SERPINC1: variants seen among roughly 807,000 people sequenced by gnomAD.
The protein encoded by SERPINC1 is antithrombin-III.
In SERPINC1, 12 loss-of-function variants were observed where a neutral mutation model predicts 43.4. That is an observed-to-expected ratio of 0.28 (90% CI 0.18 to 0.45). The LOEUF is 0.45. SERPINC1 is among the 20% of genes least tolerant of loss of function. SERPINC1 has a pLI of 1.00. For missense variants in SERPINC1, 423 were observed against 578.8 expected (o/e 0.73, Z 2.76); for synonymous variants, 210 against 218.9 (o/e 0.96, Z 0.36).
At chr1:173,906,722 A>G (rs1261383532) in intron 6 of SERPINC1, among the ~76,000 whole-genome samples, 1 of 151,086 alleles carries the variant, frequency 6.6e-6, no homozygotes, top group East Asian at 1.9e-4. Flanking sequence ...GGCTCAAGTG[A>G]TTCTTCCATC....
chr1:173,908,895 G>A (rs1353070563), intron 5 of SERPINC1, among the ~76,000 whole-genome samples: 18 of 152,030 alleles, frequency 1.2e-4, no homozygotes, highest in East Asian at 7.8e-4. Context: ...TGCCAGGTGC[G>A]GTGGCTGACG....
intron 2 of SERPINC1, among the ~76,000 whole-genome samples, chr1:173,912,344 C>A (rs558551838): frequency 6.6e-6 from 1 of 152,158 alleles, no homozygotes; most frequent in African/African-American, 2.4e-5. Context: ...AGAATCAGGA[C>A]GGTGTCCTTC....
In SERPINC1 at chr1:173,915,315, G is replaced by A. The variant is rs1313441078; in HGVS notation, c.42-396C>T. ...CCATCTACAGAAACTGTTTGGGGAAGGACTCTGATAGATGCAGCAGAGAGA... is the reference window on the plus strand; with the variant it reads ...CCATCTACAGAAACTGTTTGGGGAAAGACTCTGATAGATGCAGCAGAGAGA... On this transcript the variant is annotated intron_variant, in intron 1 of 6. Transcript: ENST00000367698. The A allele has an allele frequency of 6.4e-5, 23 of 358,824 alleles. No individual in the cohort carries two copies. In the South Asian group the frequency reaches 8.2e-4, roughly 13 times the overall value. The allele number at this position is 358,824 out of a possible 1,614,324, so 22.2% of individuals were successfully genotyped here. A position where few individuals can be genotyped will look rare whatever the true frequency, so the allele number is the denominator to read the frequency against.
At chr1:173,908,692 C>T (rs1011347218) in intron 5 of SERPINC1, among the ~76,000 whole-genome samples, 1 of 152,030 alleles carries the variant, frequency 6.6e-6, no homozygotes, top group African/African-American at 2.4e-5. Context: ...TCCCAAGAAG[C>T]TAGGACTACA....
Position 173,907,509 on chromosome 1 carries a change from C to T in SERPINC1, c.1159G>A (p.Val387Ile), listed in dbSNP as rs560610974. ...TAGAGGTCATCTCGGCCTTCTGCAA[C>T]AATACCTGGAAGGAAGACCGGAGAA... ...SPEKSKLPGI[V>I]AEGRDDLYVS... The change falls in exon 6 of 7, where the codon GTT (valine) becomes ATT (isoleucine). Residue 387 changes from valine to isoleucine, a missense_variant. Coordinates refer to ENST00000367698, the MANE Select transcript of SERPINC1 (RefSeq NM_000488.4). 3 of 1,613,766 alleles carry T rather than the reference C, an allele frequency of 1.9e-6. No homozygotes were observed. Among genetic ancestry groups the T allele is most frequent in the East Asian group, 4.5e-5 (2 of 44,880 alleles).
intron 4 of SERPINC1, among the ~76,000 whole-genome samples, chr1:173,910,491 G>T (rs1414954259): frequency 6.6e-6 from 1 of 152,136 alleles, no homozygotes. Flanking sequence ...TGAGGCAGGA[G>T]AATGCCGTGA....
intron 3 of SERPINC1, 85 bp from the exon 4 acceptor site, chr1:173,910,976 C>T (rs957529384): frequency 2.0e-6 from 3 of 1,470,072 alleles, no homozygotes; most frequent in South Asian, 1.1e-5. Context: ...ATTTTTCTCA[C>T]CATCCCTCTG....
chr1:173,911,823 G>C lies in SERPINC1; in HGVS notation c.600C>G (p.Ala200=). 1 of 1,613,860 alleles carries C rather than the reference G, an allele frequency of 6.2e-7. No individual in the cohort carries two copies. The highest frequency in any genetic ancestry group is 8.5e-7 in the Non-Finnish European group (1 of 1,179,722). Residue 200 remains alanine, a synonymous_variant, in exon 3 of 7, where the codon GCC becomes GCG. Coordinates refer to ENST00000367698, the MANE Select transcript of SERPINC1 (RefSeq NM_000488.4). ...CCTTGAAGTCCAGGGGCTGGAGCTT[G>C]GCTCCATATACCAACTCACTGATGT... The part of the protein sequence containing the change: ...YQDISELVYG[A]KLQPLDFKEN...
intron 6 of SERPINC1, 59 bp downstream of exon 6, chr1:173,907,391 T>A: frequency 7.4e-7 from 1 of 1,343,880 alleles, no homozygotes; most frequent in Non-Finnish European, 1.1e-6. Flanking sequence ...TTTCCACGTG[T>A]TCCTGCTGTT....
At chr1:173,913,872 AG>A (rs1482490595) in intron 2 of SERPINC1, among the ~76,000 whole-genome samples, 1 of 147,854 alleles carries the variant, frequency 6.8e-6, no homozygotes. Flanking sequence ...AAAAAAAAAA[AG>A]TTTGAGACCA....
rs536880391 is a variant in SERPINC1 at position 173,915,886 on chromosome 1, C to T, written c.42-967G>A. Among the ~76,000 whole-genome samples, 25 of 152,316 alleles carry T rather than the reference C, an allele frequency of 1.6e-4. No individual in the cohort carries two copies. The South Asian group carries it at 5.2e-3, about 32-fold the overall frequency. ...TTAATTCTCCCCCACAGGCCTGCTC[C>T]TGTGAGTGGGCTCAGTGAATCCCGT... is the stretch of plus-strand genomic sequence containing the variant. On this transcript the variant is annotated intron_variant, in intron 1 of 6. Coordinates refer to ENST00000367698, the MANE Select transcript of SERPINC1 (RefSeq NM_000488.4).
chr1:173,910,071 A>G (rs1657704172), intron 4 of SERPINC1, 129 bp from the exon 5 acceptor site: 2 of 908,522 alleles, frequency 2.2e-6, no homozygotes, highest in East Asian at 2.6e-5. Flanking sequence ...GGATATGCAC[A>G]AAAAGGTTAA....
At chr1:173,916,556 T>G (rs984283067) in intron 1 of SERPINC1, among the ~76,000 whole-genome samples, 14 of 152,012 alleles carry the variant, frequency 9.2e-5, no homozygotes, top group Non-Finnish European at 1.9e-4. Flanking sequence ...TCTTCCCATC[T>G]CCACTGCCTT....
intron 6 of SERPINC1, among the ~76,000 whole-genome samples, chr1:173,906,046 T>C (rs964850552): frequency 4.6e-5 from 7 of 152,232 alleles, no homozygotes; most frequent in African/African-American, 1.7e-4. Context: ...TTCATTCTTT[T>C]CGATTTCTTT....
Position 173,910,822 on chromosome 1 carries a change from C to G in SERPINC1, c.694G>C (p.Asp232His), listed in dbSNP as rs773814831. The change falls in exon 4 of 7, where the codon GAT (aspartate) becomes CAT (histidine). Residue 232 changes from aspartate to histidine, a missense_variant. Coordinates refer to ENST00000367698, the MANE Select transcript of SERPINC1 (RefSeq NM_000488.4). ...TTGATGGCTTCCGAGGGAATGACAT[C>G]GGTGATTCGGCCTTCGGTCTTATTG... ...VSNKTEGRITDVIPSEAINEL... is the reference protein window; with the variant it reads ...VSNKTEGRITHVIPSEAINEL... 1 of 1,614,006 alleles carries G rather than the reference C, an allele frequency of 6.2e-7. No individual in the cohort carries two copies. Among genetic ancestry groups the G allele is most frequent in the Non-Finnish European group, 8.5e-7 (1 of 1,179,898 alleles).
chr1:173,909,681 C>T lies in SERPINC1; in HGVS notation c.1024G>A (p.Glu342Lys), dbSNP rs1241894139. ...TPEVLQEWLD[E>K]LEEMMLVVHM... ...ACCACCAGCATCATCTCCTCCAATT[C>T]ATCCAGCCACTCTTGCAGCACCTCT... The change falls in exon 5 of 7, where the codon GAA becomes AAA. Residue 342 changes from glutamate (E) to lysine (K), a missense_variant. Coordinates refer to ENST00000367698, the MANE Select transcript of SERPINC1 (RefSeq NM_000488.4). 1 of 1,613,938 alleles carries T rather than the reference C, an allele frequency of 6.2e-7. No individual in the cohort carries two copies. The highest frequency in any genetic ancestry group is 1.7e-5 in the Admixed American group (1 of 60,026).
intron 3 of SERPINC1, among the ~76,000 whole-genome samples, chr1:173,911,337 C>T (rs563650480): frequency 9.9e-5 from 15 of 152,186 alleles, no homozygotes; most frequent in Non-Finnish European, 2.2e-4. Flanking sequence ...CAGTCAAATA[C>T]ATTTGAGGAA....
intron 5 of SERPINC1, among the ~76,000 whole-genome samples, chr1:173,909,165 G>GTAATAATAATAATAA (rs111676908): frequency 5.3e-5 from 8 of 150,790 alleles, no homozygotes; most frequent in African/African-American, 2.0e-4. Flanking sequence ...TCTGTCTCAA[G>GTAATAATAATAATAA]TAATAATAAT....
chr1:173,916,464 C>A (rs1041585927), intron 1 of SERPINC1, among the ~76,000 whole-genome samples: 1 of 152,122 alleles, frequency 6.6e-6, no homozygotes, highest in African/African-American at 2.4e-5. Flanking sequence ...GGTGCAAAGC[C>A]GGAGAGAAGC....
Sources: gnomAD v4.1 joint callset for allele counts (sites outside exome capture counted in the v4.1 genomes callset) on GRCh38, gnomAD v4.1.1 for gene constraint, MANE v1.5 for transcripts, NCBI Gene and HGNC (gene_info 2026-07-23, HGNC 2026-07-21) for gene names.